The following MAP4K4 variants were observed in gnomAD, a reference collection of about 807,000 sequenced individuals.
The protein encoded by MAP4K4 is HPK/GCK-like kinase HGK.
Under a neutral mutation model 189.6 loss-of-function variants are expected in MAP4K4, and 38 were observed. The ratio of observed to expected loss-of-function variants is 0.20; its 90% confidence interval spans 0.15 to 0.26. The LOEUF (loss-of-function observed/expected upper bound fraction) is 0.26. MAP4K4 is among the 10% of genes least tolerant of loss of function. The pLI is 1.00. For missense variants in MAP4K4, 1,054 were observed against 1,726.9 expected, an observed-to-expected ratio of 0.61 and a Z score of 6.91; for synonymous variants, 610 against 624.3, an observed-to-expected ratio of 0.98 and a Z score of 0.34.
exon 13 of MAP4K4, chr2:101,856,004 A>C: frequency 6.4e-7 from 1 of 1,551,188 alleles, no homozygotes; most frequent in African/African-American, 1.4e-5. Context: ...GGAAGCTAGA[A>C]GGCAGCAGGA....
At chr2:101,788,391 T>A (rs562417756) in intron 2 of MAP4K4, among the ~76,000 whole-genome samples, 1 of 152,304 alleles carries the variant, frequency 6.6e-6, no homozygotes, top group African/African-American at 2.4e-5. Context: ...GCGAAGCACC[T>A]GAACATGGGG....
At chr2:101,706,405 T>C (rs2042333955) in intron 2 of MAP4K4, among the ~76,000 whole-genome samples, 2 of 152,206 alleles carry the variant, frequency 1.3e-5, no homozygotes, top group South Asian at 2.1e-4. Context: ...GTAAATACCA[T>C]TTATATGTGA....
At chr2:101,785,768 C>G (rs949489399) in intron 2 of MAP4K4, among the ~76,000 whole-genome samples, 1 of 11,584 alleles carries the variant, frequency 8.6e-5, no homozygotes, top group Admixed American at 8.7e-4. Context: ...CTCTCTCTCT[C>G]TCTCTCTCTC....
intron 2 of MAP4K4, among the ~76,000 whole-genome samples, chr2:101,707,225 T>G (rs2149251432): frequency 6.6e-6 from 1 of 151,312 alleles, no homozygotes; most frequent in Non-Finnish European, 1.5e-5. Flanking sequence ...TTTTTTTTTT[T>G]TTTTTGAGAC....
At chr2:101,893,244 G>T in exon 33 of MAP4K4, 1 of 456,416 alleles carries the variant, frequency 2.2e-6, no homozygotes, top group South Asian at 1.5e-5. Flanking sequence ...TGGTGGTTTT[G>T]TGTATACCTG....
intron 12 of MAP4K4, among the ~76,000 whole-genome samples, chr2:101,849,662 G>A (rs999338155): frequency 2.8e-5 from 4 of 144,092 alleles, no homozygotes; most frequent in African/African-American, 1.0e-4. Flanking sequence ...GTTTGGCATC[G>A]TTTATCTGTT....
chr2:101,808,766 T>G (rs906699538), intron 3 of MAP4K4, among the ~76,000 whole-genome samples: 1 of 152,306 alleles, frequency 6.6e-6, no homozygotes, highest in East Asian at 1.9e-4. Context: ...TTAACTCCTG[T>G]TAAAGCATTA....
chr2:101,753,874 T>A (rs2070677026), intron 2 of MAP4K4, among the ~76,000 whole-genome samples: 1 of 152,128 alleles, frequency 6.6e-6, no homozygotes, highest in African/African-American at 2.4e-5. Context: ...CTCTTTCAGG[T>A]TGACTGTCTC....
At chr2:101,782,263 A>ATACCTATTAG (rs2088011992) in intron 2 of MAP4K4, among the ~76,000 whole-genome samples, 1 of 152,230 alleles carries the variant, frequency 6.6e-6, no homozygotes, top group Non-Finnish European at 1.5e-5. Context: ...CATTAGGTAA[A>ATACCTATTAG]GTCTTACCAT....
chr2:101,737,138 G>A (rs2060557336), intron 2 of MAP4K4, among the ~76,000 whole-genome samples: 1 of 152,022 alleles, frequency 6.6e-6, no homozygotes, highest in African/African-American at 2.4e-5. Context: ...TCACCTGGGA[G>A]AGCTGCCATT....
At chr2:101,750,103 G>A (rs368439126) in intron 2 of MAP4K4, among the ~76,000 whole-genome samples, 260 of 149,374 alleles carry the variant, frequency 1.7e-3, no homozygotes, top group African/African-American at 5.2e-3. Context: ...TCAGTGTGGC[G>A]ATTCCTCAGG....
intron 12 of MAP4K4, among the ~76,000 whole-genome samples, chr2:101,855,101 G>A (rs962763235): frequency 6.6e-6 from 1 of 152,292 alleles, no homozygotes; most frequent in South Asian, 2.1e-4. Context: ...TTGTCATCAC[G>A]TGCCTGGCAT....
At chr2:101,852,722 T>C (rs1478135399) in intron 12 of MAP4K4, among the ~76,000 whole-genome samples, 1 of 152,180 alleles carries the variant, frequency 6.6e-6, no homozygotes, top group Non-Finnish European at 1.5e-5. Context: ...AGAGAGAGTA[T>C]GCACACGTGT....
At chr2:101,856,514 CAG>C (rs2097469318) in intron 13 of MAP4K4, among the ~76,000 whole-genome samples, 1 of 151,858 alleles carries the variant, frequency 6.6e-6, no homozygotes, top group African/African-American at 2.4e-5. Context: ...TAAAAACCAA[CAG>C]TAAGAAATTT....
intron 3 of MAP4K4, among the ~76,000 whole-genome samples, chr2:101,795,201 C>T (rs1288599969): frequency 6.6e-6 from 1 of 152,180 alleles, no homozygotes; most frequent in Non-Finnish European, 1.5e-5. Flanking sequence ...AATCTATCTC[C>T]AGGGTGATAC....
chr2:101,831,944 C>CT, intron 7 of MAP4K4, 93 bp downstream of exon 7: 1 of 1,440,058 alleles, frequency 6.9e-7, no homozygotes, highest in Non-Finnish European at 9.3e-7. Context: ...CCTTGTCTGC[C>CT]TGCCTTTTCA....
intron 3 of MAP4K4, among the ~76,000 whole-genome samples, chr2:101,813,045 C>T (rs938991565): frequency 5.3e-5 from 8 of 152,188 alleles, no homozygotes; most frequent in African/African-American, 1.7e-4. Context: ...AGGAGAATGG[C>T]GTGAACCCAG....
chr2:101,859,532 A>G (rs1444736082), intron 14 of MAP4K4, 111 bp from the exon 15 acceptor site: 3 of 854,108 alleles, frequency 3.5e-6, no homozygotes, highest in Non-Finnish European at 5.4e-6. Flanking sequence ...CTTTCTTACA[A>G]AACACAGAGG....
rs183390259 is a variant in MAP4K4, at chr2:101,764,692, A to C, written c.124-26028A>C. Among the ~76,000 whole-genome samples the C allele has an allele frequency of 1.3e-3, 192 of 152,326 alleles. 1 individual carries two copies. Among genetic ancestry groups the C allele is most frequent in the African/African-American group, 4.5e-3 (188 of 41,576 alleles). ...CTTAGATTTCTGTAAAGCAGATTAT[A>C]CTTGAATTAATATAAGCCCTGCACC... On this transcript the variant is annotated intron_variant, in intron 2 of 32. Transcript: ENST00000324219.
Sources: gnomAD v4.1 joint callset for allele counts (sites outside exome capture counted in the v4.1 genomes callset) on GRCh38, gnomAD v4.1.1 for gene constraint, MANE v1.5 for transcripts, NCBI Gene and HGNC (gene_info 2026-07-23, HGNC 2026-07-21) for gene names.